IL13RA1: variants seen among roughly 807,000 people sequenced by gnomAD.
IL13RA1 encodes the protein interleukin-13 receptor subunit alpha-1.
A neutral mutation model predicts 33.8 loss-of-function variants in IL13RA1; 14 were observed. The observed-to-expected ratio is 0.41, with a 90% CI of 0.27 to 0.65. The LOEUF is 0.65. Ranked by LOEUF, IL13RA1 falls within the 30% of genes least tolerant of loss-of-function variation. The probability of loss-of-function intolerance (pLI) is 0.28; values close to 1 mark genes in which losing one functional copy is unlikely to be tolerated. For synonymous variants in IL13RA1, 116 were observed against 115.7 expected (o/e 1.00, Z -0.02); for missense variants, 313 against 327.0 (o/e 0.96, Z 0.33).
In IL13RA1 at chrX:118,773,950, A is replaced by G. The variant is rs2017754552; in HGVS notation, c.1081A>G (p.Ile361Val). ...TCCAGTCATCGTCGCAGGTGCAATC[A>G]TAGTACTCCTGCTTTACCTAAAAAG... ...IVPVIVAGAI[I>V]VLLLYLKRLK... Residue 361 changes from isoleucine to valine, a missense_variant, in exon 9 of 11, where the codon ATA (isoleucine) becomes GTA (valine). By Grantham distance (29) the Ile-to-Val change is conservative. Transcript: ENST00000371666. 4 of 1,035,837 alleles carry G rather than the reference A, an allele frequency of 3.9e-6. No individual in the cohort carries two copies. Among genetic ancestry groups the G allele is most frequent in the Admixed American group, 4.4e-5 (2 of 45,253 alleles). 85.4% of individuals were successfully genotyped at this position (1,035,837 alleles called of 1,213,427 possible). A position where few individuals can be genotyped will look rare whatever the true frequency, so the allele number is the denominator to read the frequency against.
At chrX:118,804,155 C>T in the IL13RA1 span, among the ~76,000 whole-genome samples, 1 of 108,973 alleles carries the variant, frequency 9.2e-6, no homozygotes, top group Admixed American at 1.0e-4. Flanking sequence ...CGGGGTTTCA[C>T]CGCGTTAGCC....
Position 118,791,988 on chromosome X carries a change from C to T in IL13RA1, c.*134C>T. Reference sequence around the variant, plus strand: ...AAAAACAGGCAGCTCATAAGAGCCACAGGTCTTTATGTTGAGTCGCGCACC... The same window carrying T: ...AAAAACAGGCAGCTCATAAGAGCCATAGGTCTTTATGTTGAGTCGCGCACC... On this transcript the variant is annotated 3_prime_UTR_variant, in exon 11 of 11. Transcript: ENST00000371666. The T allele has an allele frequency of 2.7e-6, 1 of 373,318 alleles. No homozygotes were observed. The highest frequency in any genetic ancestry group is 5.3e-5 in the Admixed American group (1 of 18,843). The allele number at this position is 373,318 out of a possible 1,213,427, so 30.8% of individuals were successfully genotyped here. A position where few individuals can be genotyped will look rare whatever the true frequency, so the allele number is the denominator to read the frequency against.
intron 10 of IL13RA1, among the ~76,000 whole-genome samples, chrX:118,784,146 T>C (rs868862416): frequency 2.8e-4 from 25 of 89,059 alleles, no homozygotes; most frequent in African/African-American, 4.2e-4. Context: ...TATATATATA[T>C]ACGTATATAC....
chrX:118,770,373 G>T (rs761804092), intron 8 of IL13RA1: 1 of 374,196 alleles, frequency 2.7e-6, no homozygotes, highest in Non-Finnish European at 5.1e-6. Flanking sequence ...GCATCACCCG[G>T]TAGACCAACT....
intron 2 of IL13RA1, among the ~76,000 whole-genome samples, chrX:118,745,300 A>C (rs2017390439): frequency 8.9e-6 from 1 of 112,114 alleles, no homozygotes; most frequent in Admixed American, 9.5e-5. Context: ...TTGTCTAAGA[A>C]TAGCTGGAGG....
chrX:118,731,084 G>C (rs1458477369), intron 1 of IL13RA1, among the ~76,000 whole-genome samples: 3 of 112,232 alleles, frequency 2.7e-5, no homozygotes, highest in South Asian at 3.7e-4. Flanking sequence ...ATAGGATGTT[G>C]TGCTAGATGA....
the IL13RA1 span, among the ~76,000 whole-genome samples, chrX:118,800,296 C>A: frequency 1.8e-5 from 2 of 109,937 alleles, no homozygotes; most frequent in African/African-American, 3.3e-5. Flanking sequence ...CCACTTCTTT[C>A]ACTCTTTGCA....
the IL13RA1 span, among the ~76,000 whole-genome samples, chrX:118,801,654 G>T: frequency 2.7e-5 from 3 of 112,388 alleles, no homozygotes; most frequent in Admixed American, 2.8e-4. Context: ...CTACCACCTA[G>T]CGTTGCTGTG....
chrX:118,797,158 A>G (rs1322739850), downstream of IL13RA1, among the ~76,000 whole-genome samples: 1 of 112,334 alleles, frequency 8.9e-6, no homozygotes, highest in African/African-American at 3.2e-5. Context: ...TCTTTGCTAT[A>G]AACACTAGCT....
chrX:118,749,571 C>G (rs965954936), intron 3 of IL13RA1, 87 bp from the exon 4 acceptor site: 2 of 910,147 alleles, frequency 2.2e-6, no homozygotes, highest in African/African-American at 3.9e-5. Context: ...GCATGAAGCA[C>G]TCTCATCATC....
the IL13RA1 span, among the ~76,000 whole-genome samples, chrX:118,801,121 A>G: frequency 2.4e-4 from 27 of 112,716 alleles, no homozygotes; most frequent in African/African-American, 8.4e-4. Flanking sequence ...TTTTTTGTCT[A>G]AATATAATCT....
chrX:118,744,566 A>AT (rs1409917682), intron 2 of IL13RA1, among the ~76,000 whole-genome samples: 12 of 110,082 alleles, frequency 1.1e-4, no homozygotes, highest in Admixed American at 9.7e-4. Context: ...CGACCAGCTA[A>AT]TTTTTTTTGT....
At chrX:118,790,640 G>C (rs772228930) in intron 10 of IL13RA1, among the ~76,000 whole-genome samples, 1 of 111,390 alleles carries the variant, frequency 9.0e-6, no homozygotes, top group Admixed American at 9.6e-5. Flanking sequence ...TCTTATGAGC[G>C]CTTGGAATTG....
intron 4 of IL13RA1, among the ~76,000 whole-genome samples, chrX:118,755,112 C>A (rs2017515294): frequency 9.2e-6 from 1 of 108,969 alleles, no homozygotes; most frequent in Non-Finnish European, 1.9e-5. Flanking sequence ...CCACACCTGG[C>A]TAATTTTTGT....
At chrX:118,775,828 A>T (rs2017775321) in intron 9 of IL13RA1, among the ~76,000 whole-genome samples, 1 of 111,610 alleles carries the variant, frequency 9.0e-6, no homozygotes, top group East Asian at 2.8e-4. Flanking sequence ...CCAAATAAGG[A>T]TGTTAAATAA....
chrX:118,776,541 GTTTTT>G (rs5903529), intron 10 of IL13RA1, 30 bp downstream of exon 10: 49 of 219,550 alleles, frequency 2.2e-4, no homozygotes, highest in East Asian at 4.0e-4. Flanking sequence ...GGCTTGAAAT[GTTTTT>G]TTTTTTTTTT....
At chrX:118,727,757 G>C (rs2017170155) in intron 1 of IL13RA1, 31 bp downstream of exon 1, 1 of 703,215 alleles carries the variant, frequency 1.4e-6, no homozygotes, top group South Asian at 8.0e-5. Flanking sequence ...CCGAGGGGCG[G>C]CCGGAGGGCT....
intron 1 of IL13RA1, among the ~76,000 whole-genome samples, chrX:118,739,914 C>G (rs1199410564): frequency 8.9e-6 from 1 of 112,043 alleles, no homozygotes; most frequent in African/African-American, 3.2e-5. Flanking sequence ...TATAGAACTG[C>G]TGAGATTTTG....
intron 10 of IL13RA1, among the ~76,000 whole-genome samples, chrX:118,784,090 A>AATATATATAT (rs1556372974): frequency 9.4e-5 from 6 of 63,945 alleles, no homozygotes; most frequent in Middle Eastern, 9.3e-3. Flanking sequence ...AAAAAAAAAA[A>AATATATATAT]ATATATATAT....
Sources: gnomAD v4.1 joint callset for allele counts (sites outside exome capture counted in the v4.1 genomes callset) on GRCh38, gnomAD v4.1.1 for gene constraint, MANE v1.5 for transcripts, NCBI Gene and HGNC (gene_info 2026-07-23, HGNC 2026-07-21) for gene names.